The following MCM3AP variants were observed in gnomAD, a reference collection of about 807,000 sequenced individuals.
The protein encoded by MCM3AP is germinal-center associated nuclear protein.
Under a neutral mutation model 184.1 loss-of-function variants are expected in MCM3AP, and 126 were observed. The observed-to-expected ratio is 0.68, with a 90% CI of 0.59 to 0.79. MCM3AP has a LOEUF of 0.79. Ranked by LOEUF, MCM3AP falls within the 30% of genes least tolerant of loss-of-function variation. MCM3AP has a pLI of 0.00. For missense variants in MCM3AP, 2,496 were observed against 2,479.2 expected (o/e 1.01, Z -0.14); for synonymous variants, 1,002 against 979.3 (o/e 1.02, Z -0.43).
chr21:46,257,447 G>C (rs1811078), intron 16 of MCM3AP, among the ~76,000 whole-genome samples: 138,662 of 138,662 alleles, frequency 1, 69,331 homozygotes, highest in Non-Finnish European at 1. Flanking sequence ...TGCACTCCAG[G>C]CTGTGTGTAC....
intron 2 of MCM3AP, 150 bp downstream of exon 2, chr21:46,283,465 T>C: frequency 6.6e-6 from 4 of 605,450 alleles, no homozygotes; most frequent in South Asian, 2.0e-5. Flanking sequence ...ATGAAATAAA[T>C]AGTGCTATCC....
At position 46,244,871 on chromosome 21, in the gene MCM3AP, C is replaced by T; in HGVS notation, c.4974G>A (p.Leu1658=). The part of the protein sequence containing the change: ...PHLHWNAPEH[L]AWLKQAVLGF... ...CGAGCACAGCCTGCTTCAGCCAGGCCAGGTGCTCTGGGGCATTCCAGTGCA... is the reference window on the plus strand; with the variant it reads ...CGAGCACAGCCTGCTTCAGCCAGGCTAGGTGCTCTGGGGCATTCCAGTGCA... The change falls in exon 23 of 28, where the codon CTG becomes CTA. Residue 1658 remains leucine, a synonymous_variant. Coordinates refer to ENST00000291688, the MANE Select transcript of MCM3AP (RefSeq NM_003906.5). 6.2e-7 allele frequency: 1 copy of T among 1,614,236 alleles called. No homozygotes were observed. The highest frequency in any genetic ancestry group is 8.5e-7 in the Non-Finnish European group (1 of 1,180,044).
intron 27 of MCM3AP, 104 bp from the exon 28 acceptor site, chr21:46,235,530 G>T: frequency 1.1e-6 from 1 of 937,142 alleles, no homozygotes; most frequent in Non-Finnish European, 1.6e-6. Flanking sequence ...CCTCATCTGA[G>T]TAGTCATTTA....
At chr21:46,266,404 C>T (rs575082179) in intron 10 of MCM3AP, 45 of 402,032 alleles carry the variant, frequency 1.1e-4, no homozygotes, top group African/African-American at 9.0e-4. Flanking sequence ...TCCTTGCTGG[C>T]TCACCCAAAA....
upstream of MCM3AP, chr21:46,285,716 A>C: frequency 6.3e-6 from 1 of 159,378 alleles, no homozygotes; most frequent in Non-Finnish European, 1.4e-5. Flanking sequence ...CTTAGAGACG[A>C]ATTTCTCCCG....
At position 46,284,610 on chromosome 21, in the gene MCM3AP, A is replaced by G. The variant is rs1294404820; in HGVS notation, c.677T>C (p.Leu226Ser). 6.2e-7 allele frequency: 1 copy of G among 1,614,102 alleles called. No individual in the cohort carries two copies. Among genetic ancestry groups the G allele is most frequent in the Non-Finnish European group, 8.5e-7 (1 of 1,180,042 alleles). The change falls in exon 1 of 28, where the codon TTG (leucine) becomes TCG (serine). Residue 226 changes from leucine (L) to serine (S), a missense_variant. This residue lies in a region of MCM3AP where 800 missense variants were observed against 717.1 expected (regional missense o/e 1.12). Transcript: ENST00000291688. ...CTCTTCCTCTACATTTTGGTTTGACAAAGCAGGGGTAAAGGCAGATAATGA... is the reference window on the plus strand; with the variant it reads ...CTCTTCCTCTACATTTTGGTTTGACGAAGCAGGGGTAAAGGCAGATAATGA... ...NNSLSAFTPA[L>S]SNQNVEEEKR...
At chr21:46,251,482 G>A in intron 20 of MCM3AP, 47 bp downstream of exon 20, 1 of 1,498,020 alleles carries the variant, frequency 6.7e-7, no homozygotes, top group Non-Finnish European at 9.2e-7. Context: ...GGGAGTAAGT[G>A]AAAGTAATGA....
In MCM3AP at chr21:46,236,939, C is replaced by G. The variant is rs752727985; in HGVS notation, c.5674G>C (p.Gly1892Arg). ...QLQQWLSEDS[G>R]AFTDLTSLPL... The stretch of plus-strand genomic sequence containing the variant: ...AGGGAAGTTAAATCCGTAAATGCTC[C>G]TGAGTCTTCAGACAACCATTGCTGA... The change falls in exon 27 of 28, where the codon GGA becomes CGA. Residue 1892 changes from glycine (G) to arginine (R), a missense_variant. Physicochemically the swap from Gly to Arg is moderately radical, Grantham distance 125 (BLOSUM62 -2). This residue lies in a region of MCM3AP where 1,323 missense variants were observed against 1,273.4 expected (regional missense o/e 1.04). Coordinates refer to ENST00000291688, the MANE Select transcript of MCM3AP (RefSeq NM_003906.5). 2 of 1,570,342 alleles carry G rather than the reference C, an allele frequency of 1.3e-6. No individual in the cohort carries two copies. The highest frequency in any genetic ancestry group is 1.7e-6 in the Non-Finnish European group (2 of 1,165,114).
chr21:46,266,603 G>C, intron 10 of MCM3AP: 1 of 264,906 alleles, frequency 3.8e-6, no homozygotes, highest in South Asian at 6.1e-5. Context: ...ACTCTGACTG[G>C]TAAGTACCGG....
intron 24 of MCM3AP, 195 bp downstream of exon 24, chr21:46,243,270 G>A: frequency 1.3e-6 from 1 of 741,200 alleles, no homozygotes; most frequent in Non-Finnish European, 2.2e-6. Flanking sequence ...AGGGAGGTGA[G>A]TTCAGGCTCT....
chr21:46,264,812 CA>C (rs1245309073), intron 12 of MCM3AP, among the ~76,000 whole-genome samples: 1 of 151,998 alleles, frequency 6.6e-6, no homozygotes, highest in East Asian at 1.9e-4. Context: ...CCATGCCCAT[CA>C]GGGGGCACAC....
Position 46,273,525 on chromosome 21 carries a change from G to C in MCM3AP, c.2059C>G (p.Leu687Val). 1 of 1,613,910 alleles carries C rather than the reference G, an allele frequency of 6.2e-7. No individual in the cohort carries two copies. The highest frequency in any genetic ancestry group is 1.1e-5 in the South Asian group (1 of 91,074). The change falls in exon 7 of 28, where the codon CTG becomes GTG. Residue 687 changes from leucine to valine, a missense_variant. Leu to Val is a conservative substitution (Grantham distance 32, BLOSUM62 1). Transcript: ENST00000291688. Reference protein sequence around the residue: ...SRSSADQEEPLPHELRPLPVL... With the variant: ...SRSSADQEEPVPHELRPLPVL... ...GGCAAGGGCCGCAGCTCGTGGGGCA[G>C]GGGCTCCTCCTGATCCGCCGAGGAC...
At chr21:46,267,646 T>C (rs2081130660) in intron 9 of MCM3AP, 2 of 152,346 alleles carry the variant, frequency 1.3e-5, no homozygotes, top group Admixed American at 1.3e-4. Flanking sequence ...ATCCCAGCAC[T>C]TTGGGAGGCC....
intron 4 of MCM3AP, among the ~76,000 whole-genome samples, chr21:46,279,086 G>C (rs557555907): frequency 2.0e-5 from 3 of 150,290 alleles, no homozygotes; most frequent in Non-Finnish European, 4.4e-5. Context: ...AGGAGTTCGA[G>C]ACCAGCCTGG....
intron 27 of MCM3AP, 106 bp from the exon 28 acceptor site, chr21:46,235,532 AGTC>A: frequency 1.1e-6 from 1 of 926,666 alleles, no homozygotes; most frequent in Non-Finnish European, 1.6e-6. Flanking sequence ...TCATCTGAGT[AGTC>A]ATTTATTTTT....
chr21:46,267,249 C>A, intron 9 of MCM3AP, 107 bp from the exon 10 acceptor site: 1 of 1,093,740 alleles, frequency 9.1e-7, no homozygotes, highest in Non-Finnish European at 1.3e-6. Flanking sequence ...ATGGGCTCCT[C>A]CTGGGCTGAG....
At chr21:46,241,571 C>T (rs998835865) in intron 25 of MCM3AP, 1 of 153,932 alleles carries the variant, frequency 6.5e-6, no homozygotes, top group Non-Finnish European at 1.4e-5. Context: ...TTTATCTACT[C>T]TGGCATCCCC....
rs2081197090 is a variant in MCM3AP at position 46,272,720 on chromosome 21, G to A, written c.2306C>T (p.Ser769Phe). ...AHFMCEEPMSSFDAKINNENM... is the reference protein window; with the variant it reads ...AHFMCEEPMSFFDAKINNENM... ...CTCATTATTGATCTTGGCATCAAAG[G>A]AGGACATGGGCTCCTCACACATGAA... Residue 769 changes from serine to phenylalanine, a missense_variant, in exon 8 of 28, where the codon TCC becomes TTC. Physicochemically the swap from Ser to Phe is radical, Grantham distance 155. Transcript: ENST00000291688. 23 of 1,614,182 alleles carry A rather than the reference G, an allele frequency of 1.4e-5. No individual in the cohort carries two copies. The highest frequency in any genetic ancestry group is 1.9e-5 in the Non-Finnish European group (23 of 1,180,032).
chr21:46,284,490 C>G lies in MCM3AP; in HGVS notation c.797G>C (p.Ser266Thr). The change falls in exon 1 of 28, where the codon AGC becomes ACC. Residue 266 changes from serine to threonine, a missense_variant. Transcript: ENST00000291688. ...ACACCCCTGCCTGACACCTGCTTTG[C>G]TAGCCTGGAAAGGTTCGCCCAAAAC... The part of the protein sequence containing the change: ...SAVLGEPFQA[S>T]KAGVRQGCEE... 6.2e-7 allele frequency: 1 copy of G among 1,614,174 alleles called. No individual in the cohort carries two copies. The highest frequency in any genetic ancestry group is 1.1e-5 in the South Asian group (1 of 91,084).
Sources: allele counts gnomAD v4.1 joint callset (sites outside exome capture counted in the v4.1 genomes callset), GRCh38; gene constraint gnomAD v4.1.1; regional missense constraint gnomAD v4.1.1; transcripts MANE v1.5; gene names NCBI Gene and HGNC (gene_info 2026-07-23, HGNC 2026-07-21).